LRRTM4: variants seen among roughly 807,000 people sequenced by gnomAD.
LRRTM4 encodes the protein leucine rich repeat transmembrane neuronal 4.
Under a neutral mutation model 47.6 loss-of-function variants are expected in LRRTM4, and 25 were observed. That is an observed-to-expected ratio of 0.53 (90% CI 0.38 to 0.73). The LOEUF (loss-of-function observed/expected upper bound fraction) is 0.73, where lower values mean the gene tolerates loss of function less well. Among genes scored for constraint, LRRTM4 ranks in the 30% least tolerant of loss-of-function variants. The pLI is 0.00. For synonymous variants in LRRTM4, 311 were observed against 269.5 expected (o/e 1.15, Z -1.51); for missense variants, 638 against 713.4 (o/e 0.89, Z 1.20).
At chr2:76,768,709 A>C (rs1673557217) in intron 3 of LRRTM4, among the ~76,000 whole-genome samples, 1 of 152,076 alleles carries the variant, frequency 6.6e-6, no homozygotes, top group East Asian at 1.9e-4. Flanking sequence ...AAAATAAAAA[A>C]TCCCTTATTA....
chr2:77,147,230 C>T (rs781068271), intron 3 of LRRTM4, among the ~76,000 whole-genome samples: 6 of 152,164 alleles, frequency 3.9e-5, no homozygotes, highest in Non-Finnish European at 8.8e-5. Flanking sequence ...CACTCAAGTG[C>T]TCTTCGCTTA....
At chr2:76,814,031 A>T (rs1173508744) in intron 3 of LRRTM4, among the ~76,000 whole-genome samples, 2 of 152,086 alleles carry the variant, frequency 1.3e-5, no homozygotes, top group Non-Finnish European at 2.9e-5. Flanking sequence ...ACTGTGTCTC[A>T]GACTTTCCTT....
At chr2:77,123,723 T>G (rs917069929) in intron 3 of LRRTM4, among the ~76,000 whole-genome samples, 1 of 152,116 alleles carries the variant, frequency 6.6e-6, no homozygotes, top group African/African-American at 2.4e-5. Context: ...AGTTAATATT[T>G]GTTATATTAA....
At chr2:77,474,046 C>G (rs1490952612) in intron 3 of LRRTM4, among the ~76,000 whole-genome samples, 1 of 151,948 alleles carries the variant, frequency 6.6e-6, no homozygotes, top group Non-Finnish European at 1.5e-5. Context: ...TACACTAAAA[C>G]AGAAATATGA....
chr2:77,327,101 C>T (rs1349776799), intron 3 of LRRTM4, among the ~76,000 whole-genome samples: 1 of 152,062 alleles, frequency 6.6e-6, no homozygotes, highest in Admixed American at 6.6e-5. Flanking sequence ...GATTTTCCTC[C>T]TGAAAGAAAG....
At chr2:77,410,587 G>A (rs1264526991) in intron 3 of LRRTM4, among the ~76,000 whole-genome samples, 1 of 152,140 alleles carries the variant, frequency 6.6e-6, no homozygotes, top group Non-Finnish European at 1.5e-5. Context: ...GCTTATAAAG[G>A]GGAGAGGCAT....
At chr2:76,927,178 C>A (rs991086162) in intron 3 of LRRTM4, among the ~76,000 whole-genome samples, 1 of 152,032 alleles carries the variant, frequency 6.6e-6, no homozygotes, top group Non-Finnish European at 1.5e-5. Flanking sequence ...TCCCTAGGAA[C>A]CCTCCCTTTG....
intron 3 of LRRTM4, among the ~76,000 whole-genome samples, chr2:76,960,247 C>T (rs1465646766): frequency 6.6e-6 from 1 of 151,534 alleles, no homozygotes; most frequent in Non-Finnish European, 1.5e-5. Context: ...TCAAGTGTAT[C>T]AGCTAGTTAT....
At chr2:77,345,683 C>A (rs1371568816) in intron 3 of LRRTM4, among the ~76,000 whole-genome samples, 2 of 151,912 alleles carry the variant, frequency 1.3e-5, no homozygotes, top group African/African-American at 4.8e-5. Flanking sequence ...AATTGCAACC[C>A]TCATGCATTG....
intron 3 of LRRTM4, among the ~76,000 whole-genome samples, chr2:77,059,657 G>C (rs1052843021): frequency 2.0e-4 from 31 of 152,158 alleles, no homozygotes; most frequent in African/African-American, 6.0e-4. Context: ...GGCATGTTCT[G>C]TACCAAGTAA....
chr2:77,301,128 C>G (rs1392918754), intron 3 of LRRTM4, among the ~76,000 whole-genome samples: 3 of 151,970 alleles, frequency 2.0e-5, no homozygotes, highest in Non-Finnish European at 2.9e-5. Flanking sequence ...ATACATTTTA[C>G]ACATATTCAA....
At chr2:76,902,073 G>C (rs983134304) in intron 3 of LRRTM4, among the ~76,000 whole-genome samples, 1 of 152,088 alleles carries the variant, frequency 6.6e-6, no homozygotes, top group African/African-American at 2.4e-5. Context: ...AACTTCCTCT[G>C]GCTAAGGAAT....
At chr2:77,496,668 A>T (rs1678376068) in intron 3 of LRRTM4, among the ~76,000 whole-genome samples, 1 of 151,752 alleles carries the variant, frequency 6.6e-6, no homozygotes, top group Admixed American at 6.6e-5. Flanking sequence ...TGATTTGGTA[A>T]TGATTTTGGG....
intron 3 of LRRTM4, among the ~76,000 whole-genome samples, chr2:77,103,983 AACTG>A (rs755185218): frequency 2.6e-4 from 39 of 152,152 alleles, no homozygotes; most frequent in Admixed American, 7.9e-4. Context: ...TCAATCATTC[AACTG>A]ACTATTTGGT....
chr2:76,823,709 A>C (rs769145550), intron 3 of LRRTM4, among the ~76,000 whole-genome samples: 2 of 151,422 alleles, frequency 1.3e-5, no homozygotes, highest in Non-Finnish European at 3.0e-5. Flanking sequence ...AAATAAAAGC[A>C]TAAGAGAGGG....
intron 3 of LRRTM4, among the ~76,000 whole-genome samples, chr2:76,818,055 A>G (rs1670952033): frequency 6.6e-6 from 1 of 151,996 alleles, no homozygotes; most frequent in African/African-American, 2.4e-5. Flanking sequence ...TGGCAATAGA[A>G]GCATGGCAGT....
intron 3 of LRRTM4, among the ~76,000 whole-genome samples, chr2:76,918,328 A>T (rs1674322507): frequency 6.6e-6 from 1 of 152,178 alleles, no homozygotes; most frequent in Non-Finnish European, 1.5e-5. Context: ...TTAAGTTTTT[A>T]CTTGAGGTGT....
At chr2:77,086,386 T>A (rs1680713539) in intron 3 of LRRTM4, among the ~76,000 whole-genome samples, 1 of 146,566 alleles carries the variant, frequency 6.8e-6, no homozygotes, top group Non-Finnish European at 1.5e-5. Context: ...ATTTTGCATA[T>A]TTTTTACTTT....
intron 3 of LRRTM4, among the ~76,000 whole-genome samples, chr2:76,922,532 G>C (rs1363210180): frequency 6.6e-6 from 1 of 152,082 alleles, no homozygotes; most frequent in East Asian, 1.9e-4. Context: ...AGATTTGGGT[G>C]GGGGCACAGA....
Sources: allele counts gnomAD v4.1 joint callset (sites outside exome capture counted in the v4.1 genomes callset), GRCh38; gene constraint gnomAD v4.1.1; transcripts MANE v1.5; gene names NCBI Gene and HGNC (gene_info 2026-07-23, HGNC 2026-07-21).